TP53BP1: variants seen among roughly 807,000 people sequenced by gnomAD.
TP53BP1 encodes the protein TP53-binding protein 1.
A neutral mutation model predicts 200.8 loss-of-function variants in TP53BP1; 61 were observed. The ratio of observed to expected loss-of-function variants is 0.30; its 90% confidence interval spans 0.25 to 0.38. TP53BP1 has a LOEUF of 0.38. Ranked by LOEUF, TP53BP1 falls within the 10% of genes least tolerant of loss-of-function variation. The pLI is 1.00. For missense variants in TP53BP1, 2,144 were observed against 2,371.9 expected, an observed-to-expected ratio of 0.90 and a Z score of 2.00; for synonymous variants, 822 against 844.3, an observed-to-expected ratio of 0.97 and a Z score of 0.46.
At chr15:43,409,775 C>G in intron 24 of TP53BP1, 34 bp from the exon 25 acceptor site, 1 of 1,139,888 alleles carries the variant, frequency 8.8e-7, no homozygotes, top group South Asian at 1.5e-5. Context: ...ATAATAATTA[C>G]TGAGTGGTTT....
At chr15:43,429,824 C>A (rs2045630275) in intron 17 of TP53BP1, among the ~76,000 whole-genome samples, 1 of 152,200 alleles carries the variant, frequency 6.6e-6, no homozygotes, top group Admixed American at 6.5e-5. Context: ...GGTACCCATG[C>A]ATGAGAACTA....
chr15:43,472,823 T>C (rs946473221), intron 10 of TP53BP1, among the ~76,000 whole-genome samples: 1 of 152,338 alleles, frequency 6.6e-6, no homozygotes, highest in Non-Finnish European at 1.5e-5. Flanking sequence ...ATAGAATTAG[T>C]GCTAGAAAAG....
upstream of TP53BP1, among the ~76,000 whole-genome samples, chr15:43,495,865 A>AC (rs2079180321): frequency 6.6e-6 from 1 of 152,154 alleles, no homozygotes; most frequent in African/African-American, 2.4e-5. Flanking sequence ...AAAATAGATA[A>AC]ATAAATGAGT....
intron 1 of TP53BP1, 118 bp from the exon 2 acceptor site, chr15:43,492,586 C>T: frequency 1.4e-6 from 1 of 721,152 alleles, no homozygotes; most frequent in South Asian, 1.8e-5. Context: ...CTTCAGGACT[C>T]CTCCAATTAG....
At chr15:43,505,501 C>T (rs2079231328) in intron 1 of TP53BP1, among the ~76,000 whole-genome samples, 1 of 151,952 alleles carries the variant, frequency 6.6e-6, no homozygotes, top group Non-Finnish European at 1.5e-5. Context: ...ATTTTTTTCG[C>T]TTTTGGGAAT....
At chr15:43,499,885 C>T (rs886088762) in intron 1 of TP53BP1, among the ~76,000 whole-genome samples, 1 of 152,098 alleles carries the variant, frequency 6.6e-6, no homozygotes, top group Non-Finnish European at 1.5e-5. Flanking sequence ...GGAGATAAGA[C>T]ATAGAAATAA....
rs1280817427 is a variant in TP53BP1, at chr15:43,442,616, C to T, written c.3041-1033G>A. ...GGGTTCAAGCGATTCTCATGCCTCA[C>T]CCTCCTGAGTAGCTGGGATTACAGG... is the stretch of plus-strand genomic sequence containing the variant. On this transcript the variant is annotated intron_variant, in intron 14 of 27. Transcript: ENST00000382044. Among the ~76,000 whole-genome samples, 8 of 151,536 alleles carry T rather than the reference C, an allele frequency of 5.3e-5. No homozygotes were observed. The South Asian group carries it at 8.3e-4, about 16-fold the overall frequency.
chr15:43,479,608 C>T (rs114248906), intron 6 of TP53BP1, 82 bp from the exon 7 acceptor site: 1 of 1,448,338 alleles, frequency 6.9e-7, no homozygotes, highest in African/African-American at 1.4e-5. Context: ...TTTTAAAAAG[C>T]AAAGATTTTA....
rs533689445 is a variant in TP53BP1, at chr15:43,406,583, C to T, written c.*800G>A. 6.1e-5 allele frequency: 28 copies of T among 455,980 alleles called. No individual in the cohort carries two copies. The highest frequency in any genetic ancestry group is 3.9e-4 in the South Asian group (25 of 64,548). 28.2% of individuals were successfully genotyped at this position (455,980 alleles called of 1,614,324 possible). On this transcript the variant is annotated 3_prime_UTR_variant, in exon 28 of 28. Coordinates refer to ENST00000382044, the MANE Select transcript of TP53BP1 (RefSeq NM_001141980.3). ...TGGCCCACAAAGCCTGAAATATTTA[C>T]TCTTTGACCCTTTACAGAAAAAAAC...
rs1214146091 is a variant in TP53BP1 at position 43,479,284 on chromosome 15, G to A, written c.788+113C>T. The A allele has an allele frequency of 8.3e-6, 10 of 1,202,030 alleles. No homozygotes were observed. In the East Asian group the frequency reaches 1.8e-4, roughly 22 times the overall value. 74.5% of individuals were successfully genotyped at this position (1,202,030 alleles called of 1,614,324 possible). ...TGGACCACAAGTATGCCCAGTACAA[G>A]GGGAAAATAATTTAAAAATCAACAA... On this transcript the variant is annotated intron_variant, in intron 7 of 27. Coordinates refer to ENST00000382044, the MANE Select transcript of TP53BP1 (RefSeq NM_001141980.3).
chr15:43,444,018 A>C (rs1473288328), intron 14 of TP53BP1, among the ~76,000 whole-genome samples: 1 of 152,216 alleles, frequency 6.6e-6, no homozygotes, highest in East Asian at 1.9e-4. Context: ...ACCTAGGAGT[A>C]AACTACTTTG....
chr15:43,456,482 T>A lies in TP53BP1; in HGVS notation c.2126A>T (p.Gln709Leu), dbSNP rs2046299758. The A allele has an allele frequency of 6.4e-7, 1 of 1,571,670 alleles. No homozygotes were observed. The highest frequency in any genetic ancestry group is 8.6e-7 in the Non-Finnish European group (1 of 1,163,720). Residue 709 changes from glutamine to leucine, a missense_variant, in exon 12 of 28, where the codon CAA (glutamine) becomes CTA (leucine). Physicochemically the swap from Gln to Leu is moderately radical, Grantham distance 113. Transcript: ENST00000382044. ...GCATTCTTTTTTTGGCATTTCCTTT[T>A]GAAGACACAACCCTTGGGACTGAGT... is the stretch of plus-strand genomic sequence containing the variant. ...TETQSQGLCL[Q>L]KEMPKKECSE...
intron 4 of TP53BP1, among the ~76,000 whole-genome samples, chr15:43,481,813 C>T (rs1004123797): frequency 9.0e-6 from 1 of 111,726 alleles, no homozygotes; most frequent in African/African-American, 3.0e-5. Flanking sequence ...GACTCTGTCT[C>T]AAAAAAAAAA....
At chr15:43,418,256 G>A (rs1442650912) in intron 21 of TP53BP1, among the ~76,000 whole-genome samples, 3 of 151,660 alleles carry the variant, frequency 2.0e-5, no homozygotes, top group Non-Finnish European at 4.4e-5. Context: ...CCAGCACTTT[G>A]GGAGGCTGAG....
intron 12 of TP53BP1, among the ~76,000 whole-genome samples, chr15:43,448,542 A>T (rs1007665659): frequency 1.2e-4 from 17 of 144,824 alleles, no homozygotes; most frequent in African/African-American, 2.5e-4. Flanking sequence ...AAACAAAAAA[A>T]TTTTTTTTTT....
chr15:43,475,443 G>C (rs1359817888), intron 9 of TP53BP1, 122 bp downstream of exon 9: 3 of 1,164,790 alleles, frequency 2.6e-6, no homozygotes, highest in Non-Finnish European at 3.7e-6. Context: ...CTAATGCATA[G>C]GTTCTACCAT....
chr15:43,505,200 G>T (rs901580597), intron 1 of TP53BP1, among the ~76,000 whole-genome samples: 2 of 152,064 alleles, frequency 1.3e-5, no homozygotes, highest in Non-Finnish European at 2.9e-5. Context: ...TTCAACCCAA[G>T]CATTCCTTGA....
At chr15:43,429,013 T>C (rs2045613795) in intron 17 of TP53BP1, among the ~76,000 whole-genome samples, 1 of 152,196 alleles carries the variant, frequency 6.6e-6, no homozygotes, top group African/African-American at 2.4e-5. Flanking sequence ...AAAATTCAAA[T>C]GCACTATTTC....
rs2045417334 is a variant in TP53BP1, at chr15:43,422,065, G to A, written c.3890C>T (p.Thr1297Ile). Residue 1297 changes from threonine to isoleucine, a missense_variant, in exon 19 of 28, where the codon ACT becomes ATT. By Grantham distance (89) the Thr-to-Ile change is moderately conservative. Around this residue, in one of 4 missense-constraint regions of TP53BP1, gnomAD observed 1,700 missense variants for 1,710.3 expected, o/e 0.99. Transcript: ENST00000382044. Reference protein sequence around the residue: ...ECETEVSPSQTGGSSGDLGDI... With the variant: ...ECETEVSPSQIGGSSGDLGDI... Reference sequence around the variant, plus strand: ...CCCCAGGTCACCTGAGGAGCCCCCAGTCTGTGAAGGGGAAACTTCAGTTTC... The same window carrying A: ...CCCCAGGTCACCTGAGGAGCCCCCAATCTGTGAAGGGGAAACTTCAGTTTC... 1.2e-6 allele frequency: 2 copies of A among 1,614,154 alleles called. No individual in the cohort carries two copies. The highest frequency in any genetic ancestry group is 1.7e-5 in the Admixed American group (1 of 60,018).
Sources: gnomAD v4.1 joint callset for allele counts (sites outside exome capture counted in the v4.1 genomes callset) on GRCh38, gnomAD v4.1.1 for gene constraint, gnomAD v4.1.1 regional missense constraint, MANE v1.5 for transcripts, NCBI Gene and HGNC (gene_info 2026-07-23, HGNC 2026-07-21) for gene names.